Variants in C4orf51 observed in about 807,000 individuals in gnomAD.
C4orf51 encodes uncharacterized protein C4orf51.
In C4orf51, 25 loss-of-function variants were observed where a neutral mutation model predicts 25.2. That is an observed-to-expected ratio of 0.99 (90% confidence interval 0.72 to 1.39). C4orf51 has a LOEUF of 1.39. C4orf51 is among the 40% of genes most tolerant of loss of function. The pLI is 0.00. For synonymous variants in C4orf51, 100 were observed against 84.5 expected, an observed-to-expected ratio of 1.18 and a Z score of -1.01; for missense variants, 252 against 239.6, an observed-to-expected ratio of 1.05 and a Z score of -0.34.
intron 2 of C4orf51, 46 bp from the exon 3 acceptor site, chr4:145,726,865 C>A: frequency 6.7e-7 from 1 of 1,491,924 alleles, no homozygotes; most frequent in South Asian, 1.1e-5. Flanking sequence ...GAATTTTATT[C>A]TAACTCTGCA....
chr4:145,779,349 G>A, the C4orf51 span: 2 of 1,611,126 alleles, frequency 1.2e-6, no homozygotes, highest in Non-Finnish European at 1.7e-6. Flanking sequence ...ATAGAGGGCT[G>A]ACAGCCCAGG....
chr4:145,735,968 C>T (rs906407554), downstream of C4orf51, among the ~76,000 whole-genome samples: 6 of 152,166 alleles, frequency 3.9e-5, no homozygotes, highest in Non-Finnish European at 7.3e-5. Context: ...GTCAGCCCTA[C>T]ACTCTGTTCC....
the C4orf51 span, among the ~76,000 whole-genome samples, chr4:145,777,479 C>T: frequency 6.6e-6 from 1 of 152,212 alleles, no homozygotes; most frequent in African/African-American, 2.4e-5. Flanking sequence ...TCTTTGGGAA[C>T]CGACTGATTC....
chr4:145,755,683 C>T (rs552496501), downstream of C4orf51, among the ~76,000 whole-genome samples: 1 of 152,320 alleles, frequency 6.6e-6, no homozygotes, highest in African/African-American at 2.4e-5. Flanking sequence ...CTGGGAGTCA[C>T]CCCACTTCAC....
chr4:145,729,182 G>A lies in C4orf51; in HGVS notation c.380G>A (p.Trp127Ter), dbSNP rs1156310037. ...TCCTTTTTATAGGCACATCAAATTT[G>A]GGATTTTGGTGATTGTTTTCCGACA... ...DVKHGVAHQIWDFGDCFPTPP... is the reference protein window; with the variant it reads ...DVKHGVAHQI Residue 127 changes from tryptophan (W) to a stop codon, truncating the protein, a stop_gained, in exon 4 of 6, where the codon TGG becomes TAG. Transcript: ENST00000438731. LOFTEE classifies it high-confidence loss of function. The A allele has an allele frequency of 4.4e-6, 7 of 1,604,740 alleles. No individual in the cohort carries two copies. Among genetic ancestry groups the A allele is most frequent in the South Asian group, 3.3e-5 (3 of 90,410 alleles).
rs1389224294 is a variant in C4orf51 at position 145,688,020 on chromosome 4, A to G, written c.233+7584A>G. On this transcript the variant is annotated intron_variant, in intron 1 of 5. Coordinates refer to ENST00000438731, the MANE Select transcript of C4orf51 (RefSeq NM_001080531.3). ...AATGCCACATACCAGCCTGGGCAAC[A>G]TAGTGAGACTTCATCTCTGCAAAAA... 1.3e-4 allele frequency among the ~76,000 whole-genome samples: 19 copies of G among 151,248 alleles called. No individual in the cohort carries two copies. The Admixed American group carries it at 1.3e-3, about 10-fold the overall frequency.
chr4:145,781,524 CTG>C, the C4orf51 span, among the ~76,000 whole-genome samples: 1 of 152,184 alleles, frequency 6.6e-6, no homozygotes, highest in Non-Finnish European at 1.5e-5. Flanking sequence ...ACTGATTCAT[CTG>C]TGTTTGTTAA....
intron 2 of C4orf51, among the ~76,000 whole-genome samples, chr4:145,706,892 A>G (rs1017206079): frequency 2.7e-5 from 4 of 148,806 alleles, no homozygotes; most frequent in Non-Finnish European, 5.9e-5. Context: ...GCTCACTGCA[A>G]CCTCCACCTC....
chr4:145,777,950 T>A, the C4orf51 span, among the ~76,000 whole-genome samples: 314 of 152,320 alleles, frequency 2.1e-3, 1 homozygote, highest in African/African-American at 7.1e-3. Flanking sequence ...TATTGACCCT[T>A]ACTTATTTAA....
chr4:145,775,921 G>A, downstream of C4orf51: 1 of 1,614,192 alleles, frequency 6.2e-7, no homozygotes, highest in Non-Finnish European at 8.5e-7. Flanking sequence ...ACGGCACTTA[G>A]CAGCATAGGG....
chr4:145,688,080 G>T (rs1336744751), intron 1 of C4orf51, among the ~76,000 whole-genome samples: 1 of 151,616 alleles, frequency 6.6e-6, no homozygotes, highest in African/African-American at 2.4e-5. Flanking sequence ...ATATGCCTGT[G>T]GTTCCAGCTA....
downstream of C4orf51, among the ~76,000 whole-genome samples, chr4:145,756,361 G>C (rs1733953031): frequency 6.6e-6 from 1 of 152,120 alleles, no homozygotes; most frequent in African/African-American, 2.4e-5. Context: ...ATTGTGCTTG[G>C]ATTAAAATTC....
Position 145,697,048 on chromosome 4 carries a change from AAC to A in C4orf51, c.307+417_307+418del, listed in dbSNP as rs1033623451. On this transcript the variant is annotated intron_variant, in intron 2 of 5. Transcript: ENST00000438731. ...GACTCGGTCTGAAAAAACAAAACAA[AAC>A]CAACCAACCAACCAAACAAACAAAC... 1.5e-3 allele frequency among the ~76,000 whole-genome samples: 43 copies of A among 28,842 alleles called. 1 individual carries two copies. The highest frequency in any genetic ancestry group is 7.3e-3 in the African/African-American group (40 of 5,468). The allele number at this position is 28,842 out of a possible 152,430, so 18.9% of individuals were successfully genotyped here.
At chr4:145,682,178 G>C (rs1728876995) in intron 1 of C4orf51, among the ~76,000 whole-genome samples, 1 of 152,166 alleles carries the variant, frequency 6.6e-6, no homozygotes, top group Non-Finnish European at 1.5e-5. Context: ...AAACACAAAA[G>C]AGCATGAGCT....
At chr4:145,768,881 A>AAAAAT (rs1735750787) in intron 1 of C4orf51, among the ~76,000 whole-genome samples, 1 of 31,342 alleles carries the variant, frequency 3.2e-5, no homozygotes, top group African/African-American at 1.0e-4. Context: ...AAAAAAAAAA[A>AAAAAT]AAAAAAAAAA....
downstream of C4orf51, among the ~76,000 whole-genome samples, chr4:145,754,521 A>G (rs1483970008): frequency 2.0e-5 from 3 of 152,314 alleles, no homozygotes; most frequent in East Asian, 1.9e-4. Flanking sequence ...AAGCCTCTCT[A>G]TCCATCTGGC....
chr4:145,696,333 C>A (rs576205186), intron 1 of C4orf51, among the ~76,000 whole-genome samples: 55 of 152,196 alleles, frequency 3.6e-4, no homozygotes, highest in African/African-American at 1.3e-3. Flanking sequence ...AGGAGCAGAA[C>A]AAAATTGCTA....
intron 2 of C4orf51, among the ~76,000 whole-genome samples, chr4:145,711,913 A>G (rs113483072): frequency 0.01 from 1,591 of 152,062 alleles, 32 homozygotes; most frequent in African/African-American, 0.037. Context: ...CATTTTTCCA[A>G]CAGTATGTAT....
intron 2 of C4orf51, among the ~76,000 whole-genome samples, chr4:145,697,914 T>A (rs768482697): frequency 8.5e-5 from 13 of 152,372 alleles, no homozygotes; most frequent in Non-Finnish European, 1.9e-4. Context: ...TTTTTAATTT[T>A]TTTCAGGAAC....
Sources: allele counts gnomAD v4.1 joint callset (sites outside exome capture counted in the v4.1 genomes callset), GRCh38; gene constraint gnomAD v4.1.1; transcripts MANE v1.5; gene names NCBI Gene and HGNC (gene_info 2026-07-23, HGNC 2026-07-21).